INTS15: variants seen among roughly 807,000 people sequenced by gnomAD.
The protein encoded by INTS15 is uncharacterized protein C7orf26.
chr7:6,604,587 G>A, the INTS15 span, among the ~76,000 whole-genome samples: 2 of 152,164 alleles, frequency 1.3e-5, no homozygotes, highest in African/African-American at 4.8e-5. Context: ...GAGGGTCAGT[G>A]AGTGGCTCGG....
At chr7:6,592,413 A>G in the INTS15 span, among the ~76,000 whole-genome samples, 1 of 151,492 alleles carries the variant, frequency 6.6e-6, no homozygotes, top group Non-Finnish European at 1.5e-5. Flanking sequence ...CTGAAAATAC[A>G]GAAATTAGCC....
the INTS15 span, chr7:6,602,656 A>T: frequency 2.1e-6 from 1 of 470,516 alleles, no homozygotes; most frequent in Non-Finnish European, 4.4e-6. Flanking sequence ...CTGTTCCCTG[A>T]CTCACAGGAC....
chr7:6,595,019 T>C, the INTS15 span, among the ~76,000 whole-genome samples: 2 of 151,802 alleles, frequency 1.3e-5, no homozygotes, highest in Non-Finnish European at 2.9e-5. Context: ...TGCACCACCG[T>C]GCCCAGCTGA....
chr7:6,605,700 C>A, the INTS15 span, among the ~76,000 whole-genome samples: 1 of 151,698 alleles, frequency 6.6e-6, no homozygotes, highest in Non-Finnish European at 1.5e-5. Flanking sequence ...TCCTACATTT[C>A]TTTTCTTTTC....
the INTS15 span, among the ~76,000 whole-genome samples, chr7:6,596,966 G>T: frequency 1.3e-5 from 2 of 152,008 alleles, no homozygotes; most frequent in South Asian, 4.1e-4. Context: ...TTTTAGTAGA[G>T]ATGGGGTTTC....
At chr7:6,596,169 A>G in the INTS15 span, among the ~76,000 whole-genome samples, 244 of 151,618 alleles carry the variant, frequency 1.6e-3, 4 homozygotes, top group Admixed American at 0.014. Flanking sequence ...CTCGTGCCTC[A>G]GCCTCCTGAG....
the INTS15 span, chr7:6,607,843 C>T: frequency 9.5e-5 from 145 of 1,523,238 alleles, 2 homozygotes; most frequent in South Asian, 1.7e-3. The surrounding 1 kb of genome is among the most constrained non-coding windows in gnomAD (Gnocchi z 6.0). Flanking sequence ...CCGGGTGGTC[C>T]GTGCCTGTGT....
the INTS15 span, chr7:6,602,185 G>C: frequency 6.4e-7 from 1 of 1,573,564 alleles, no homozygotes; most frequent in South Asian, 1.1e-5. Context: ...TGCTGGAGCA[G>C]GGTGGAGGGA....
At chr7:6,605,889 G>T in the INTS15 span, among the ~76,000 whole-genome samples, 5 of 152,118 alleles carry the variant, frequency 3.3e-5, no homozygotes, top group East Asian at 9.7e-4. Context: ...AATAGAGACG[G>T]GTTTTCGCCA....
chr7:6,598,766 TGTGTGTGTGTGTGTGTGTG>T, the INTS15 span, among the ~76,000 whole-genome samples: 2 of 111,044 alleles, frequency 1.8e-5, no homozygotes, highest in Admixed American at 9.6e-5. Context: ...TGTGTGTGTG[TGTGTGTGTGTGTGTGTGTG>T]TATTTTTTTT....
At chr7:6,591,993 G>A in the INTS15 span, 12 of 748,820 alleles carry the variant, frequency 1.6e-5, no homozygotes, top group African/African-American at 8.8e-5. Context: ...CCAACATGGC[G>A]AAATCATGTC....
chr7:6,590,703 A>G, the INTS15 span, among the ~76,000 whole-genome samples: 1 of 152,226 alleles, frequency 6.6e-6, no homozygotes, highest in Admixed American at 6.5e-5. Context: ...TTGGTGTTAA[A>G]GGGACAAACT....
the INTS15 span, among the ~76,000 whole-genome samples, chr7:6,591,140 T>G: frequency 2.6e-5 from 4 of 152,120 alleles, no homozygotes; most frequent in Admixed American, 6.6e-5. Context: ...CTGGCCTATA[T>G]GACTTTTTTC....
the INTS15 span, chr7:6,594,617 TTATTTC>T: frequency 1.2e-6 from 2 of 1,610,754 alleles, no homozygotes; most frequent in Non-Finnish European, 1.7e-6. Context: ...TTTAAACAGG[TTATTTC>T]TATGGAAGAA....
At chr7:6,599,969 G>C in the INTS15 span, 15 of 1,614,094 alleles carry the variant, frequency 9.3e-6, no homozygotes, top group Non-Finnish European at 1.3e-5. Context: ...CACCCCGCTC[G>C]TTGGATTGAT....
At chr7:6,595,651 A>ATT in the INTS15 span, among the ~76,000 whole-genome samples, 5 of 152,068 alleles carry the variant, frequency 3.3e-5, no homozygotes, top group East Asian at 7.7e-4. Flanking sequence ...ATATGACTTG[A>ATT]TTTCTTATCA....
chr7:6,594,224 C>A, the INTS15 span, among the ~76,000 whole-genome samples: 11 of 147,744 alleles, frequency 7.4e-5, no homozygotes, highest in Admixed American at 6.8e-4. Flanking sequence ...CCAGGCTGGT[C>A]TCGAACTCCT....
the INTS15 span, among the ~76,000 whole-genome samples, chr7:6,598,485 A>C: frequency 1.3e-5 from 2 of 148,904 alleles, no homozygotes; most frequent in Non-Finnish European, 1.5e-5. Context: ...AAAAAAAAAA[A>C]GGCACACAGG....
chr7:6,607,818 C>A, the INTS15 span: 1 of 1,497,720 alleles, frequency 6.7e-7, no homozygotes, highest in Non-Finnish European at 8.9e-7. The surrounding 1 kb of genome is among the most constrained non-coding windows in gnomAD (Gnocchi z 6.0). Flanking sequence ...TTCTCCGTGT[C>A]CACCGCCTGG....
Sources: allele counts gnomAD v4.1 joint callset (sites outside exome capture counted in the v4.1 genomes callset), GRCh38; gene constraint gnomAD v4.1.1; non-coding constraint Gnocchi (gnomAD v3.1); transcripts MANE v1.5; gene names NCBI Gene and HGNC (gene_info 2026-07-23, HGNC 2026-07-21).